ARHGEF28: variants seen among roughly 807,000 people sequenced by gnomAD.
ARHGEF28 encodes 190 kDa guanine nucleotide exchange factor.
Under a neutral mutation model 206.6 loss-of-function variants are expected in ARHGEF28, and 152 were observed. The observed-to-expected ratio is 0.74, with a 90% CI of 0.64 to 0.84. The LOEUF is 0.84. ARHGEF28 is among the 40% of genes least tolerant of loss of function. ARHGEF28 has a pLI of 0.00. For synonymous variants in ARHGEF28, 763 were observed against 776.4 expected, an observed-to-expected ratio of 0.98 and a Z score of 0.29; for missense variants, 2,028 against 2,073.2, an observed-to-expected ratio of 0.98 and a Z score of 0.42.
At chr5:73,741,426 T>C (rs1314495290) in intron 2 of ARHGEF28, among the ~76,000 whole-genome samples, 1 of 30,314 alleles carries the variant, frequency 3.3e-5, no homozygotes, top group African/African-American at 1.3e-4. Context: ...TATATATATA[T>C]ATATATATAT....
chr5:73,791,701 C>T (rs1057498799), intron 7 of ARHGEF28, among the ~76,000 whole-genome samples: 5 of 152,102 alleles, frequency 3.3e-5, no homozygotes, highest in African/African-American at 4.8e-5. Flanking sequence ...AATCTTACAG[C>T]GACTTAACCC....
intron 26 of ARHGEF28, among the ~76,000 whole-genome samples, chr5:73,888,057 A>C (rs2112677112): frequency 6.6e-6 from 1 of 152,008 alleles, no homozygotes; most frequent in East Asian, 1.9e-4. Flanking sequence ...CGGCCCCCAA[A>C]CCCCTTCCCT....
chr5:73,756,420 G>A lies in ARHGEF28; in HGVS notation c.475+3218G>A, dbSNP rs182980492. On this transcript the variant is annotated intron_variant, in intron 4 of 35. Transcript: ENST00000513042. ...GAATGTTTCTAGACTTTCTCTAAAG[G>A]CAGTTTGTAGTACTTGAGGTAAAAC... Among the ~76,000 whole-genome samples the A allele has an allele frequency of 1.3e-3, 194 of 152,290 alleles. 1 individual carries two copies. The highest frequency in any genetic ancestry group is 2.0e-3 in the Non-Finnish European group (139 of 68,012).
intron 2 of ARHGEF28, among the ~76,000 whole-genome samples, chr5:73,709,338 T>C (rs1749114593): frequency 6.6e-6 from 1 of 152,214 alleles, no homozygotes; most frequent in Non-Finnish European, 1.5e-5. Context: ...GCTGCTCTCT[T>C]ACAGTCAAAC....
chr5:73,690,195 G>T (rs1400575655), intron 2 of ARHGEF28, among the ~76,000 whole-genome samples: 5 of 152,126 alleles, frequency 3.3e-5, no homozygotes, highest in African/African-American at 1.2e-4. Flanking sequence ...CTTAAGAGGA[G>T]AGATTTTGCT....
At chr5:73,742,945 TA>T (rs1321993689) in intron 2 of ARHGEF28, among the ~76,000 whole-genome samples, 6 of 152,194 alleles carry the variant, frequency 3.9e-5, no homozygotes, top group Non-Finnish European at 5.9e-5. Flanking sequence ...ACAGATATTT[TA>T]AACTCCGTGA....
intron 2 of ARHGEF28, among the ~76,000 whole-genome samples, chr5:73,693,206 C>T (rs971513001): frequency 1.4e-4 from 22 of 152,272 alleles, no homozygotes; most frequent in South Asian, 4.1e-4. Flanking sequence ...TCACTGGTAA[C>T]GACCTTCCCC....
At chr5:73,726,320 A>G (rs1180562195) in intron 2 of ARHGEF28, among the ~76,000 whole-genome samples, 1 of 152,222 alleles carries the variant, frequency 6.6e-6, no homozygotes, top group African/African-American at 2.4e-5. Context: ...ACAAAATTCA[A>G]GTTACATAGA....
intron 4 of ARHGEF28, 116 bp from the exon 5 acceptor site, chr5:73,773,739 T>C: frequency 9.2e-7 from 1 of 1,089,382 alleles, no homozygotes; most frequent in Non-Finnish European, 1.3e-6. Context: ...CCATTGTTAA[T>C]TTCTTCCAAC....
At chr5:73,675,732 CAAAAAAAAAAA>C (rs35836692) in intron 1 of ARHGEF28, among the ~76,000 whole-genome samples, 1 of 49,668 alleles carries the variant, frequency 2.0e-5, no homozygotes, top group African/African-American at 7.8e-5. Context: ...GACTCTGTCT[CAAAAAAAAAAA>C]AAAAAAAAAA....
chr5:73,717,006 A>T (rs765712040), intron 2 of ARHGEF28, among the ~76,000 whole-genome samples: 1 of 152,098 alleles, frequency 6.6e-6, no homozygotes. Flanking sequence ...TATCCTTGAA[A>T]TGTATTCTTT....
chr5:73,656,182 C>T (rs1214726049), intron 1 of ARHGEF28, among the ~76,000 whole-genome samples: 1 of 152,182 alleles, frequency 6.6e-6, no homozygotes, highest in East Asian at 1.9e-4. Flanking sequence ...TAATCTTCCT[C>T]CTTTTTACCT....
chr5:73,781,035 G>T (rs1041882590), intron 7 of ARHGEF28, among the ~76,000 whole-genome samples: 1 of 150,524 alleles, frequency 6.6e-6, no homozygotes, highest in Non-Finnish European at 1.5e-5. Flanking sequence ...CATTCTGATT[G>T]TTCTCCTCAT....
chr5:73,917,947 G>A (rs1763303664), intron 35 of ARHGEF28, among the ~76,000 whole-genome samples: 1 of 152,202 alleles, frequency 6.6e-6, no homozygotes, highest in Admixed American at 6.5e-5. Flanking sequence ...ATAACTGAAG[G>A]ATGAGGCTTG....
chr5:73,848,940 A>G (rs371500999), intron 12 of ARHGEF28, 36 bp from the exon 13 acceptor site: 633 of 1,414,996 alleles, frequency 4.5e-4, no homozygotes, highest in Admixed American at 1.1e-3. Flanking sequence ...CAGACCATGT[A>G]TAAATTTTTA....
intron 18 of ARHGEF28, among the ~76,000 whole-genome samples, chr5:73,866,484 A>G (rs1047619556): frequency 4.6e-5 from 7 of 152,176 alleles, no homozygotes; most frequent in Non-Finnish European, 7.3e-5. Flanking sequence ...AAGTCTTCAA[A>G]TTTGGAGTCT....
intron 20 of ARHGEF28, among the ~76,000 whole-genome samples, chr5:73,869,316 G>A (rs1403820049): frequency 3.3e-5 from 5 of 151,988 alleles, no homozygotes; most frequent in South Asian, 2.1e-4. Flanking sequence ...GTACTTAGAC[G>A]CTGCTTTGTG....
Position 73,909,807 on chromosome 5 carries a change from G to A in ARHGEF28, c.4557G>A (p.Ala1519=), listed in dbSNP as rs1158982026. ...EGQRLVEREQ[A]RMRAQQSLLG... ...AGCGCCTGGTGGAGAGGGAGCAGGC[G>A]AGGATGCGGGCCCAGCAGAGCCTGC... The change falls in exon 34 of 36, where the codon GCG becomes GCA. Residue 1519 remains alanine, a synonymous_variant. Coordinates refer to ENST00000513042, the MANE Select transcript of ARHGEF28 (RefSeq NM_001177693.2). The A allele has an allele frequency of 3.3e-6, 5 of 1,536,950 alleles. No homozygotes were observed. Among genetic ancestry groups the A allele is most frequent in the African/African-American group, 1.4e-5 (1 of 72,952 alleles).
intron 35 of ARHGEF28, among the ~76,000 whole-genome samples, chr5:73,940,022 G>A (rs532389034): frequency 6.6e-6 from 1 of 152,118 alleles, no homozygotes. Context: ...TTCCTACTCA[G>A]GTTTTTGTTC....
Sources: allele counts gnomAD v4.1 joint callset (sites outside exome capture counted in the v4.1 genomes callset), GRCh38; gene constraint gnomAD v4.1.1; transcripts MANE v1.5; gene names NCBI Gene and HGNC (gene_info 2026-07-23, HGNC 2026-07-21).